The following VPS13B variants were observed in gnomAD, a reference collection of about 807,000 sequenced individuals.
The protein encoded by VPS13B is vacuolar protein sorting 13 homolog B.
A neutral mutation model predicts 426.4 loss-of-function variants in VPS13B; 285 were observed. The observed-to-expected ratio is 0.67, with a 90% CI of 0.61 to 0.74. The LOEUF is 0.74. VPS13B is among the 30% of genes least tolerant of loss of function. VPS13B has a pLI of 0.00. For missense variants in VPS13B, 4,537 were observed against 4,782.6 expected, an observed-to-expected ratio of 0.95 and a Z score of 1.51; for synonymous variants, 1,676 against 1,676.4, an observed-to-expected ratio of 1.00 and a Z score of 0.01.
At chr8:99,830,356 G>A (rs993254196) in intron 51 of VPS13B, among the ~76,000 whole-genome samples, 1 of 152,152 alleles carries the variant, frequency 6.6e-6, no homozygotes, top group Non-Finnish European at 1.5e-5. Flanking sequence ...GGCTGTGGTG[G>A]GCTCTTCCCA....
intron 19 of VPS13B, among the ~76,000 whole-genome samples, chr8:99,295,805 T>C (rs1820003245): frequency 6.6e-6 from 1 of 152,124 alleles, no homozygotes. Flanking sequence ...GGTATAAGGA[T>C]TGCTTGAGCC....
intron 43 of VPS13B, among the ~76,000 whole-genome samples, chr8:99,785,161 A>C (rs1399286175): frequency 1.3e-5 from 2 of 152,172 alleles, no homozygotes; most frequent in Non-Finnish European, 2.9e-5. Context: ...CTGTAGCGAT[A>C]ATATGAAGAT....
chr8:99,597,894 T>C (rs1169012942), intron 33 of VPS13B, among the ~76,000 whole-genome samples: 9 of 151,992 alleles, frequency 5.9e-5, no homozygotes, highest in Non-Finnish European at 1.3e-4. Context: ...GAGCACACAA[T>C]GGACTTCAAT....
rs139179566 is a variant in VPS13B at position 99,391,365 on chromosome 8, G to GTA, written c.2935-192_2935-191insTA. 0.17 allele frequency among the ~76,000 whole-genome samples: 26,224 copies of GTA among 151,094 alleles called. 2,785 individuals carry two copies. The highest frequency in any genetic ancestry group is 0.38 in the East Asian group (1,941 of 5,120). On this transcript the variant is annotated intron_variant, in intron 20 of 61. Transcript: ENST00000357162. The stretch of plus-strand genomic sequence containing the variant: ...TGTGTGTCTGTGTCTGTGTGTGTGT[G>GTA]AGAGAGAGAGAAAAAAAAAAGCGGG...
intron 23 of VPS13B, among the ~76,000 whole-genome samples, chr8:99,451,483 CTT>C (rs1421614920): frequency 6.6e-6 from 1 of 152,152 alleles, no homozygotes; most frequent in Non-Finnish European, 1.5e-5. Flanking sequence ...TTGGTTGAAT[CTT>C]ATGTATTGCT....
chr8:99,581,741 A>C (rs1429600755), intron 33 of VPS13B, among the ~76,000 whole-genome samples: 1 of 152,192 alleles, frequency 6.6e-6, no homozygotes. Flanking sequence ...TGGATTTTGA[A>C]TTTTCCAATT....
chr8:99,197,602 G>A (rs1391965174), intron 17 of VPS13B, among the ~76,000 whole-genome samples: 4 of 152,040 alleles, frequency 2.6e-5, no homozygotes, highest in Admixed American at 1.3e-4. Flanking sequence ...CACAGTAGTC[G>A]ATTCTGATGA....
At chr8:99,487,188 T>C (rs961688613) in intron 25 of VPS13B, among the ~76,000 whole-genome samples, 4 of 151,608 alleles carry the variant, frequency 2.6e-5, no homozygotes, top group African/African-American at 7.3e-5. Context: ...CAGAGGGTAG[T>C]GAAGGGTAGA....
rs1035761875 is a variant in VPS13B, at chr8:99,121,182, G to A, written c.943G>A (p.Glu315Lys). Reference sequence around the variant, plus strand: ...GACTTAATTTTAATTGATAGGTTCTGAAGATGAAACAAGAATAGATATGCA... The same window carrying A: ...GACTTAATTTTAATTGATAGGTTCTAAAGATGAAACAAGAATAGATATGCA... Reference protein sequence around the residue: ...KDMLGNITGSEDETRIDMQYP... With the variant: ...KDMLGNITGSKDETRIDMQYP... The change falls in exon 8 of 62, where the codon GAA becomes AAA. Residue 315 changes from glutamate (E) to lysine (K), a missense_variant. Transcript: ENST00000357162. The A allele has an allele frequency of 6.2e-6, 10 of 1,612,976 alleles. No individual in the cohort carries two copies. The highest frequency in any genetic ancestry group is 8.5e-6 in the Non-Finnish European group (10 of 1,179,604).
chr8:99,076,491 C>T (rs913577762), intron 3 of VPS13B, among the ~76,000 whole-genome samples: 1 of 152,012 alleles, frequency 6.6e-6, no homozygotes, highest in African/African-American at 2.4e-5. Context: ...GGAGCTATCT[C>T]TCCCTTTAGA....
rs1430604594 is a variant in VPS13B, at chr8:99,577,533, C to T, written c.5120C>T (p.Thr1707Ile). 24 of 1,613,748 alleles carry T rather than the reference C, an allele frequency of 1.5e-5. No homozygotes were observed. The highest frequency in any genetic ancestry group is 2.0e-5 in the Non-Finnish European group (24 of 1,179,808). Residue 1707 changes from threonine (T) to isoleucine (I), a missense_variant, in exon 33 of 62, where the codon ACA (threonine) becomes ATA (isoleucine). Around this residue, in one of 2 missense-constraint regions of VPS13B, gnomAD observed 4,311 missense variants for 4,474.3 expected, o/e 0.96. Transcript: ENST00000357162. ...CATTCCTTAGAAGTGAATATAACCA[C>T]AAACCTGGACTTCTTCCTAAGTGTG... ...CGHSLEVNIT[T>I]NLDFFLSVAQ...
intron 25 of VPS13B, among the ~76,000 whole-genome samples, chr8:99,484,763 G>C (rs1354460498): frequency 6.6e-6 from 1 of 151,228 alleles, no homozygotes; most frequent in East Asian, 1.9e-4. Context: ...CTCCTTATAG[G>C]TTGCAAGGTA....
chr8:99,276,487 A>G (rs1284629701), intron 19 of VPS13B, among the ~76,000 whole-genome samples: 3 of 152,186 alleles, frequency 2.0e-5, no homozygotes, highest in Non-Finnish European at 4.4e-5. Flanking sequence ...AAAGGGCCTG[A>G]CAGCTAATAT....
At chr8:99,028,431 G>C (rs1587932826) in intron 2 of VPS13B, among the ~76,000 whole-genome samples, 1 of 144,648 alleles carries the variant, frequency 6.9e-6, no homozygotes, top group African/African-American at 2.6e-5. Context: ...GCGGCTGGCG[G>C]GGCAGAGGGG....
At chr8:99,691,292 G>C (rs142016499) in intron 35 of VPS13B, among the ~76,000 whole-genome samples, 1 of 151,610 alleles carries the variant, frequency 6.6e-6, no homozygotes, top group Non-Finnish European at 1.5e-5. Context: ...GATGTTCTGG[G>C]ATTAGACAGT....
chr8:99,360,886 A>G lies in VPS13B; in HGVS notation c.2825-23322A>G, dbSNP rs538004513. On this transcript the variant is annotated intron_variant, in intron 19 of 61. Transcript: ENST00000357162. ...CAGGGATATTGGTTTTGATTTCTAT[A>G]AATAAAATATTTATTATTGCATCAT... Among the ~76,000 whole-genome samples, 5 of 152,294 alleles carry G rather than the reference A, an allele frequency of 3.3e-5. No homozygotes were observed. The South Asian group carries it at 1.0e-3, about 32-fold the overall frequency.
At chr8:99,788,165 C>T (rs938316892) in intron 43 of VPS13B, among the ~76,000 whole-genome samples, 1 of 151,088 alleles carries the variant, frequency 6.6e-6, no homozygotes, top group African/African-American at 2.4e-5. Flanking sequence ...TCAAGACCAG[C>T]CTGGGCAACA....
intron 36 of VPS13B, among the ~76,000 whole-genome samples, chr8:99,702,706 G>GA (rs1271501594): frequency 3.9e-5 from 6 of 152,028 alleles, no homozygotes; most frequent in African/African-American, 7.2e-5. Context: ...AAACATCATG[G>GA]AAAAAACTAC....
Position 99,191,446 on chromosome 8 carries a change from C to T in VPS13B, c.2334-1430C>T, listed in dbSNP as rs369453047. 3.6e-4 allele frequency among the ~76,000 whole-genome samples: 50 copies of T among 140,070 alleles called. 2 individuals carry two copies. The South Asian group carries it at 9.1e-3, about 26-fold the overall frequency. The allele number at this position is 140,070 out of a possible 152,430, so 91.9% of individuals were successfully genotyped here. On this transcript the variant is annotated intron_variant, in intron 16 of 61. Transcript: ENST00000357162. ...TCGCCCAGGCTGGAATGCAGTAGCG[C>T]GATCTCGGCTCACTGCAATTTCTGC...
Sources: gnomAD v4.1 joint callset for allele counts (sites outside exome capture counted in the v4.1 genomes callset) on GRCh38, gnomAD v4.1.1 for gene constraint, gnomAD v4.1.1 regional missense constraint, MANE v1.5 for transcripts, NCBI Gene and HGNC (gene_info 2026-07-23, HGNC 2026-07-21) for gene names.